Variants in RANBP17 observed in about 807,000 individuals in gnomAD.
RANBP17 encodes RAN binding protein 17.
In RANBP17, 158 loss-of-function variants were observed where a neutral mutation model predicts 141.2. That is an observed-to-expected ratio of 1.12 (90% confidence interval 0.98 to 1.28). RANBP17 has a LOEUF of 1.28. RANBP17 is among the 50% of genes most tolerant of loss of function. The pLI, the probability that RANBP17 is intolerant of heterozygous loss-of-function variation, is 0.00. For synonymous variants in RANBP17, 430 were observed against 450.0 expected, an observed-to-expected ratio of 0.96 and a Z score of 0.56; for missense variants, 1,438 against 1,290.7, an observed-to-expected ratio of 1.11 and a Z score of -1.75.
rs1765611433 is a variant in RANBP17 at position 171,252,083 on chromosome 5, T to C, written c.2776+9263T>C. 4 of 1,599,590 alleles carry C rather than the reference T, an allele frequency of 2.5e-6. No homozygotes were observed. The South Asian group carries it at 4.4e-5, about 18-fold the overall frequency. On this transcript the variant is annotated intron_variant, in intron 24 of 27. Coordinates refer to ENST00000523189, the MANE Select transcript of RANBP17 (RefSeq NM_022897.5). The stretch of plus-strand genomic sequence containing the variant: ...TGCTTAGCAGATCTCTTCCATAGCA[T>C]AGCCACTCAGAAGAAAAAGTTGGAG...
At chr5:170,881,099 T>TTGTTAC (rs1240856224) in intron 2 of RANBP17, among the ~76,000 whole-genome samples, 1 of 152,126 alleles carries the variant, frequency 6.6e-6, no homozygotes, top group Admixed American at 6.6e-5. Context: ...TCACAAAATA[T>TTGTTAC]TGTTTTGATT....
At chr5:171,252,443 CAATT>C (rs1765633261) in intron 24 of RANBP17, 1 of 1,501,252 alleles carries the variant, frequency 6.7e-7, no homozygotes, top group African/African-American at 1.4e-5. Flanking sequence ...CAAAATACAT[CAATT>C]ACTCACTGCT....
intron 14 of RANBP17, among the ~76,000 whole-genome samples, chr5:171,054,594 CA>C (rs997438946): frequency 1.4e-4 from 21 of 152,220 alleles, no homozygotes; most frequent in African/African-American, 4.3e-4. Context: ...GCATTTTGGC[CA>C]GCTTCTTTAC....
At chr5:171,214,337 TAGAC>T (rs1763086691) in intron 21 of RANBP17, among the ~76,000 whole-genome samples, 1 of 152,214 alleles carries the variant, frequency 6.6e-6, no homozygotes, top group African/African-American at 2.4e-5. Context: ...ATAATTTGCA[TAGAC>T]TGGCAGAAAT....
intron 14 of RANBP17, among the ~76,000 whole-genome samples, chr5:171,060,559 G>T (rs1052603932): frequency 6.6e-6 from 1 of 152,130 alleles, no homozygotes; most frequent in East Asian, 1.9e-4. Flanking sequence ...GCTGGATTCG[G>T]TTTGTCAGTA....
At chr5:171,237,211 A>G (rs1312241099) in intron 22 of RANBP17, among the ~76,000 whole-genome samples, 1 of 152,214 alleles carries the variant, frequency 6.6e-6, no homozygotes, top group Non-Finnish European at 1.5e-5. Flanking sequence ...AACAACAACA[A>G]AGTCCTCTCC....
intron 18 of RANBP17, among the ~76,000 whole-genome samples, 168 bp downstream of exon 18, chr5:171,183,598 C>T (rs1298115976): frequency 6.6e-6 from 1 of 152,198 alleles, no homozygotes; most frequent in Non-Finnish European, 1.5e-5. Flanking sequence ...GCATTAGAGC[C>T]AAAAGACAAA....
intron 24 of RANBP17, chr5:171,243,115 A>C (rs1427668911): frequency 6.9e-6 from 2 of 290,002 alleles, no homozygotes; most frequent in Admixed American, 1.1e-4. Context: ...ACACAAACAT[A>C]ACCACCACGA....
intron 22 of RANBP17, among the ~76,000 whole-genome samples, chr5:171,233,029 A>G (rs577050619): frequency 1.7e-4 from 26 of 152,122 alleles, no homozygotes; most frequent in Non-Finnish European, 2.9e-4. Flanking sequence ...GGGCAAACCA[A>G]AAAAGAAATT....
intron 14 of RANBP17, among the ~76,000 whole-genome samples, chr5:170,987,852 G>A (rs1778250267): frequency 6.6e-6 from 1 of 151,296 alleles, no homozygotes; most frequent in Admixed American, 6.6e-5. Flanking sequence ...TTAAAATTAT[G>A]GTGTAAGTTA....
chr5:170,890,286 T>C (rs1422151), intron 3 of RANBP17, among the ~76,000 whole-genome samples: 1 of 151,996 alleles, frequency 6.6e-6, no homozygotes, highest in Non-Finnish European at 1.5e-5. Context: ...CATCTTCTTA[T>C]GTTTTGTTAT....
chr5:171,213,941 C>G (rs1390839169), intron 21 of RANBP17, among the ~76,000 whole-genome samples: 2 of 152,106 alleles, frequency 1.3e-5, no homozygotes, highest in Non-Finnish European at 2.9e-5. Context: ...ACTTGGCTGT[C>G]TATGGGGACT....
At chr5:171,272,482 TATC>T (rs1444378841) in intron 25 of RANBP17, among the ~76,000 whole-genome samples, 3 of 152,216 alleles carry the variant, frequency 2.0e-5, no homozygotes, top group African/African-American at 7.2e-5. Flanking sequence ...GGTGTAGTAT[TATC>T]ATTACCATTT....
chr5:170,929,405 A>G (rs1016598466), intron 12 of RANBP17, among the ~76,000 whole-genome samples: 2 of 152,134 alleles, frequency 1.3e-5, no homozygotes, highest in Admixed American at 6.6e-5. Flanking sequence ...GTTCTCTTCA[A>G]TTCTTCAGGG....
intron 14 of RANBP17, among the ~76,000 whole-genome samples, chr5:171,089,888 C>G (rs1786096037): frequency 6.6e-6 from 1 of 152,198 alleles, no homozygotes; most frequent in Non-Finnish European, 1.5e-5. Context: ...CACCCGGTAC[C>G]TCAGATGGAA....
At chr5:170,999,604 T>C (rs1293110457) in intron 14 of RANBP17, among the ~76,000 whole-genome samples, 1 of 152,212 alleles carries the variant, frequency 6.6e-6, no homozygotes, top group African/African-American at 2.4e-5. Context: ...TGTTTTTACG[T>C]GCTTAGAAAA....
intron 14 of RANBP17, among the ~76,000 whole-genome samples, chr5:171,067,297 C>T (rs1320519559): frequency 6.6e-6 from 1 of 152,078 alleles, no homozygotes; most frequent in East Asian, 1.9e-4. Flanking sequence ...CTGTCCCCTC[C>T]CCTTTGCATT....
Position 171,265,812 on chromosome 5 carries a change from C to G in RANBP17, c.2908C>G (p.His970Asp). The change falls in exon 25 of 28, where the codon CAT becomes GAT. Residue 970 changes from histidine (H) to aspartate (D), a missense_variant. Transcript: ENST00000523189. ...TACCCAGGCTGGTCAGAGACTATTA[C>G]ATTTTATGCAGCAAAACCCAGATGT... ...EATQAGQRLL[H>D]FMQQNPDVLQ... 6.2e-7 allele frequency: 1 copy of G among 1,613,712 alleles called. No homozygotes were observed. The highest frequency in any genetic ancestry group is 8.5e-7 in the Non-Finnish European group (1 of 1,179,874).
At chr5:170,931,152 T>C (rs1316122889) in intron 12 of RANBP17, among the ~76,000 whole-genome samples, 1 of 152,268 alleles carries the variant, frequency 6.6e-6, no homozygotes. Context: ...TGCATTTCTC[T>C]GATGGCCAGT....
Sources: allele counts gnomAD v4.1 joint callset (sites outside exome capture counted in the v4.1 genomes callset), GRCh38; gene constraint gnomAD v4.1.1; transcripts MANE v1.5; gene names NCBI Gene and HGNC (gene_info 2026-07-23, HGNC 2026-07-21).